The following HEMK2 variants were observed in gnomAD, a reference collection of about 807,000 sequenced individuals.
HEMK2 encodes methyltransferase HEMK2.
the HEMK2 span, among the ~76,000 whole-genome samples, chr21:28,736,658 A>G: frequency 0.011 from 1,658 of 152,248 alleles, 23 homozygotes; most frequent in African/African-American, 0.037. Flanking sequence ...CCAGCTACTC[A>G]GGAGGCTGTG....
At chr21:28,819,313 G>A in the HEMK2 span, among the ~76,000 whole-genome samples, 1 of 148,166 alleles carries the variant, frequency 6.7e-6, no homozygotes, top group Non-Finnish European at 1.5e-5. Context: ...AAAAGGCCCT[G>A]GTCATTTAAA....
the HEMK2 span, among the ~76,000 whole-genome samples, chr21:28,586,123 G>C: frequency 6.6e-6 from 1 of 152,192 alleles, no homozygotes; most frequent in Admixed American, 6.5e-5. Flanking sequence ...TGGTGCATTT[G>C]CAATAAGCAT....
chr21:28,590,528 C>T, the HEMK2 span, among the ~76,000 whole-genome samples: 5 of 152,116 alleles, frequency 3.3e-5, no homozygotes, highest in African/African-American at 9.7e-5. Flanking sequence ...GATCATGAAA[C>T]AAGCAAAGTT....
At chr21:28,739,128 C>T in the HEMK2 span, among the ~76,000 whole-genome samples, 1 of 152,148 alleles carries the variant, frequency 6.6e-6, no homozygotes, top group Non-Finnish European at 1.5e-5. Context: ...TTGAGAAATT[C>T]GCGAGAGCAG....
the HEMK2 span, among the ~76,000 whole-genome samples, chr21:28,863,460 A>ATATATATATATG: frequency 1.3e-5 from 1 of 77,704 alleles, no homozygotes; most frequent in Non-Finnish European, 2.8e-5. Context: ...ATATATATAT[A>ATATATATATATG]TATATATATA....
At chr21:28,587,175 CAAAA>C in the HEMK2 span, among the ~76,000 whole-genome samples, 43,933 of 144,136 alleles carry the variant, frequency 0.3, 8,131 homozygotes, top group African/African-American at 0.53. Flanking sequence ...AGGAAATAAA[CAAAA>C]AAAAAAAAAA....
the HEMK2 span, among the ~76,000 whole-genome samples, chr21:28,669,926 T>G: frequency 6.6e-6 from 1 of 152,148 alleles, no homozygotes; most frequent in East Asian, 1.9e-4. Context: ...GCAAAATAAT[T>G]TTCCTAATTT....
chr21:28,757,750 AGGATAAG>A, the HEMK2 span, among the ~76,000 whole-genome samples: 2 of 152,180 alleles, frequency 1.3e-5, no homozygotes, highest in African/African-American at 4.8e-5. Context: ...AGTACTGACT[AGGATAAG>A]CGTAGACGTA....
At chr21:28,768,044 G>A in the HEMK2 span, among the ~76,000 whole-genome samples, 2 of 151,956 alleles carry the variant, frequency 1.3e-5, no homozygotes, top group Non-Finnish European at 2.9e-5. Flanking sequence ...TCAGGGTGTC[G>A]GGAAAGTGTG....
chr21:28,851,871 C>T, the HEMK2 span, among the ~76,000 whole-genome samples: 1 of 152,224 alleles, frequency 6.6e-6, no homozygotes, highest in African/African-American at 2.4e-5. Flanking sequence ...GAAATTGCTT[C>T]TGGTTGGCCT....
the HEMK2 span, among the ~76,000 whole-genome samples, chr21:28,609,184 T>C: frequency 2.0e-5 from 3 of 152,140 alleles, no homozygotes; most frequent in Non-Finnish European, 4.4e-5. Flanking sequence ...CAGAAGCTAG[T>C]ATCCATGACT....
chr21:28,729,000 C>T, the HEMK2 span, among the ~76,000 whole-genome samples: 1 of 152,196 alleles, frequency 6.6e-6, no homozygotes, highest in Non-Finnish European at 1.5e-5. Context: ...GCCAGGAACA[C>T]TGAAGCTTTG....
chr21:28,672,425 T>C, the HEMK2 span, among the ~76,000 whole-genome samples: 3 of 152,124 alleles, frequency 2.0e-5, no homozygotes, highest in Non-Finnish European at 4.4e-5. Context: ...AAGTCATTTG[T>C]AGCCAAAAAG....
At chr21:28,850,414 C>T in the HEMK2 span, among the ~76,000 whole-genome samples, 2 of 151,692 alleles carry the variant, frequency 1.3e-5, 1 homozygote, top group South Asian at 4.2e-4. Flanking sequence ...TTAGTAGAGA[C>T]GGGGTTTCAC....
chr21:28,639,942 G>A, the HEMK2 span, among the ~76,000 whole-genome samples: 5 of 152,170 alleles, frequency 3.3e-5, no homozygotes, highest in African/African-American at 1.2e-4. Flanking sequence ...AAACCAGCAG[G>A]GATCTGAGGG....
At chr21:28,789,499 G>A in the HEMK2 span, among the ~76,000 whole-genome samples, 2 of 152,202 alleles carry the variant, frequency 1.3e-5, no homozygotes, top group African/African-American at 4.8e-5. Context: ...TTTCTTAAAA[G>A]ATAAAATAAA....
the HEMK2 span, among the ~76,000 whole-genome samples, chr21:28,769,567 G>A: frequency 1.3e-5 from 2 of 151,980 alleles, no homozygotes; most frequent in Non-Finnish European, 2.9e-5. Context: ...TCTCTTGAGG[G>A]TGATATAAAA....
At chr21:28,691,362 T>C in the HEMK2 span, among the ~76,000 whole-genome samples, 200 of 152,336 alleles carry the variant, frequency 1.3e-3, no homozygotes, top group African/African-American at 4.6e-3. Context: ...TCTTTATGAA[T>C]TTAAGGATTT....
chr21:28,679,902 T>G, the HEMK2 span, among the ~76,000 whole-genome samples: 2 of 151,952 alleles, frequency 1.3e-5, no homozygotes, highest in African/African-American at 4.8e-5. Context: ...TTCAAAGCAG[T>G]GTGTAGAGGG....
Sources: allele counts gnomAD v4.1 joint callset (sites outside exome capture counted in the v4.1 genomes callset), GRCh38; gene constraint gnomAD v4.1.1; transcripts MANE v1.5; gene names NCBI Gene and HGNC (gene_info 2026-07-23, HGNC 2026-07-21).